SDK1: variants seen among roughly 807,000 people sequenced by gnomAD.
SDK1 encodes protein sidekick-1.
Under a neutral mutation model 245.5 loss-of-function variants are expected in SDK1, and 157 were observed. The observed-to-expected ratio is 0.64, with a 90% CI of 0.56 to 0.73. The LOEUF (loss-of-function observed/expected upper bound fraction) is 0.73, where lower values mean the gene tolerates loss of function less well. SDK1 is among the 30% of genes least tolerant of loss of function. The probability of loss-of-function intolerance (pLI) is 0.00; values close to 1 mark genes in which losing one functional copy is unlikely to be tolerated. For synonymous variants in SDK1, 1,647 were observed against 1,278.5 expected (o/e 1.29, Z -6.15); for missense variants, 3,583 against 3,002.3 (o/e 1.19, Z -4.52).
chr7:4,237,839 A>G (rs1786275380), intron 42 of SDK1, 55 bp downstream of exon 42: 1 of 1,600,618 alleles, frequency 6.2e-7, no homozygotes, highest in Non-Finnish European at 8.5e-7. Flanking sequence ...GCCAAAACAT[A>G]GCGTTCGTTC....
chr7:3,782,461 A>G (rs939938677), intron 4 of SDK1, among the ~76,000 whole-genome samples: 6 of 152,248 alleles, frequency 3.9e-5, no homozygotes, highest in African/African-American at 1.4e-4. Flanking sequence ...ACCCAAGTAC[A>G]GGAAGCAGAG....
At chr7:3,654,211 G>C (rs1047264597) in intron 4 of SDK1, among the ~76,000 whole-genome samples, 2 of 152,166 alleles carry the variant, frequency 1.3e-5, no homozygotes, top group African/African-American at 4.8e-5. Context: ...AATCTAGAAA[G>C]TTCTTTTCGT....
chr7:3,610,286 C>A (rs1283630185), intron 1 of SDK1, among the ~76,000 whole-genome samples: 2 of 152,142 alleles, frequency 1.3e-5, no homozygotes, highest in East Asian at 1.9e-4. Context: ...ATTTGAGATT[C>A]TTTTCTTGGA....
intron 4 of SDK1, among the ~76,000 whole-genome samples, chr7:3,795,544 A>T (rs1236401561): frequency 6.6e-6 from 1 of 152,146 alleles, no homozygotes; most frequent in Non-Finnish European, 1.5e-5. Context: ...GCGCTCATGG[A>T]AATTTTCCTT....
At chr7:3,785,199 G>C (rs192726067) in intron 4 of SDK1, among the ~76,000 whole-genome samples, 1 of 152,216 alleles carries the variant, frequency 6.6e-6, no homozygotes, top group South Asian at 2.1e-4. Flanking sequence ...AGGCTGGAGG[G>C]TGGGGGGAAT....
intron 4 of SDK1, among the ~76,000 whole-genome samples, chr7:3,740,535 C>T (rs1453527660): frequency 2.0e-5 from 3 of 152,116 alleles, no homozygotes; most frequent in Admixed American, 6.5e-5. Context: ...AAGAATGGAG[C>T]TTTTGAAGGC....
At chr7:3,320,703 C>T (rs1030047210) in intron 1 of SDK1, among the ~76,000 whole-genome samples, 1 of 152,082 alleles carries the variant, frequency 6.6e-6, no homozygotes, top group Non-Finnish European at 1.5e-5. Context: ...CTGCTTGACA[C>T]AGGGCATTTG....
chr7:3,415,107 T>C (rs1394702970), intron 1 of SDK1, among the ~76,000 whole-genome samples: 2 of 152,248 alleles, frequency 1.3e-5, no homozygotes, highest in African/African-American at 4.8e-5. Flanking sequence ...TGCTGGGTTT[T>C]GTTAACTTGA....
At chr7:3,670,156 A>G (rs977991163) in intron 4 of SDK1, among the ~76,000 whole-genome samples, 6 of 152,108 alleles carry the variant, frequency 3.9e-5, no homozygotes, top group African/African-American at 1.4e-4. Context: ...TTCTCTCTCC[A>G]TTCCCCATGC....
At chr7:3,867,872 C>T (rs567730283) in intron 5 of SDK1, among the ~76,000 whole-genome samples, 1 of 152,184 alleles carries the variant, frequency 6.6e-6, no homozygotes, top group South Asian at 2.1e-4. Context: ...ATGCATGGAT[C>T]TCTGCTGCAT....
intron 22 of SDK1, among the ~76,000 whole-genome samples, chr7:4,088,661 C>T (rs2128182652): frequency 6.6e-6 from 1 of 152,042 alleles, no homozygotes; most frequent in South Asian, 2.1e-4. Flanking sequence ...TAAGGTGGTT[C>T]ACACTGCCCT....
At chr7:3,591,547 C>G (rs1375670601) in intron 1 of SDK1, among the ~76,000 whole-genome samples, 1 of 152,182 alleles carries the variant, frequency 6.6e-6, no homozygotes, top group Non-Finnish European at 1.5e-5. Context: ...TTCAGAAAAA[C>G]AAATTGCAGT....
chr7:3,360,987 A>G (rs186870263), intron 1 of SDK1, among the ~76,000 whole-genome samples: 1 of 152,214 alleles, frequency 6.6e-6, no homozygotes, highest in Admixed American at 6.5e-5. Context: ...CATATGTGCT[A>G]AAGAAACAAA....
rs116693480 is a variant in SDK1, at chr7:4,181,264, A to T, written c.5098+2678A>T. Among the ~76,000 whole-genome samples the T allele has an allele frequency of 4.3e-3, 657 of 152,336 alleles. 9 individuals are homozygous for T. The highest frequency in any genetic ancestry group is 0.015 in the African/African-American group (631 of 41,568). On this transcript the variant is annotated intron_variant, in intron 35 of 44. Coordinates refer to ENST00000404826, the MANE Select transcript of SDK1 (RefSeq NM_152744.4). ...TTGAGGTTCAACCGGGTTGTAGCAG[A>T]TGTCGGAATTGCCTTCCTTTTCATG...
rs1045617985 is a variant in SDK1 at position 3,558,194 on chromosome 7, A to G, written c.299-60886A>G. 6.6e-5 allele frequency among the ~76,000 whole-genome samples: 10 copies of G among 152,178 alleles called. 1 individual carries two copies. Among genetic ancestry groups the G allele is most frequent in the African/African-American group, 2.4e-4 (10 of 41,446 alleles). ...AATTTCATATGACATTTCTTTTCATATGTTCAAAGAAATTACTTGAGCAAA... is the reference window on the plus strand; with the variant it reads ...AATTTCATATGACATTTCTTTTCATGTGTTCAAAGAAATTACTTGAGCAAA... On this transcript the variant is annotated intron_variant, in intron 1 of 44. Transcript: ENST00000404826.
At chr7:3,852,750 CAAAAAAAAAAAA>C (rs35116493) in intron 5 of SDK1, among the ~76,000 whole-genome samples, 1 of 28,160 alleles carries the variant, frequency 3.6e-5, no homozygotes, top group Non-Finnish European at 7.5e-5. Context: ...GACTCCGTCT[CAAAAAAAAAAAA>C]AAAAAAAAAA....
At chr7:3,932,195 G>C (rs1485851585) in intron 5 of SDK1, among the ~76,000 whole-genome samples, 1 of 152,200 alleles carries the variant, frequency 6.6e-6, no homozygotes, top group Non-Finnish European at 1.5e-5. Flanking sequence ...GTTTCTAGCA[G>C]CAGTAGCTCC....
At chr7:4,241,506 T>C (rs1786514292) in intron 42 of SDK1, among the ~76,000 whole-genome samples, 1 of 152,192 alleles carries the variant, frequency 6.6e-6, no homozygotes, top group African/African-American at 2.4e-5. Context: ...AAAAAGTTTA[T>C]GCATTCTGAG....
chr7:4,178,684 G>A (rs529326433), intron 35 of SDK1, 98 bp downstream of exon 35: 58 of 828,496 alleles, frequency 7.0e-5, no homozygotes, highest in Admixed American at 9.5e-5. Context: ...GTCCAGCAGC[G>A]TTCTTTCTCC....
Sources: allele counts gnomAD v4.1 joint callset (sites outside exome capture counted in the v4.1 genomes callset), GRCh38; gene constraint gnomAD v4.1.1; transcripts MANE v1.5; gene names NCBI Gene and HGNC (gene_info 2026-07-23, HGNC 2026-07-21).